The following AHCYL1 variants were observed in gnomAD, a reference collection of about 807,000 sequenced individuals.
AHCYL1 encodes adenosylhomocysteinase like 1, also known as S-adenosylhomocysteine hydrolase-like protein 1.
A neutral mutation model predicts 79.3 loss-of-function variants in AHCYL1; 20 were observed. That is an observed-to-expected ratio of 0.25 (90% confidence interval 0.18 to 0.37). The LOEUF is 0.37. AHCYL1 is among the 10% of genes least tolerant of loss of function. The probability of loss-of-function intolerance (pLI) is 1.00; values close to 1 mark genes in which losing one functional copy is unlikely to be tolerated. For synonymous variants in AHCYL1, 223 were observed against 242.2 expected (o/e 0.92, Z 0.74); for missense variants, 330 against 673.6 (o/e 0.49, Z 5.65).
At chr1:110,015,376 C>A in intron 6 of AHCYL1, 49 bp from the exon 7 acceptor site, 1 of 1,491,516 alleles carries the variant, frequency 6.7e-7, no homozygotes, top group Non-Finnish European at 9.4e-7. Context: ...AAGTTCCCCC[C>A]AGCCCTAGCA....
chr1:109,997,682 C>T (rs980401270), intron 1 of AHCYL1, among the ~76,000 whole-genome samples: 1 of 152,082 alleles, frequency 6.6e-6, no homozygotes, highest in African/African-American at 2.4e-5. Context: ...CAGTGTGTAA[C>T]GCGTACTGCA....
In AHCYL1 at chr1:110,020,860, G is replaced by C. The variant is rs770444891; in HGVS notation, c.1586+9G>C. 1.4e-5 allele frequency: 22 copies of C among 1,607,236 alleles called. No homozygotes were observed. The highest frequency in any genetic ancestry group is 2.2e-5 in the East Asian group (1 of 44,660). ...AAACCTAATTATTACAGGTAACCTG[G>C]GGAGAAGCAAGTGAAAAGCTCTTTT... On this transcript the variant is annotated intron_variant, in intron 16 of 16. Transcript: ENST00000369799.
chr1:110,011,490 T>C lies in AHCYL1; in HGVS notation c.376+133T>C, dbSNP rs1362183970. 9.0e-6 allele frequency: 11 copies of C among 1,216,338 alleles called. No individual in the cohort carries two copies. The Admixed American group carries it at 2.8e-4, about 31-fold the overall frequency. 75.3% of individuals were successfully genotyped at this position (1,216,338 alleles called of 1,614,324 possible). Reference sequence around the variant, plus strand: ...AAAGACAGTATTATGGACTTTCGGATAAACACTTCTCTCTCTATGGAACTT... The same window carrying C: ...AAAGACAGTATTATGGACTTTCGGACAAACACTTCTCTCTCTATGGAACTT... On this transcript the variant is annotated intron_variant, in intron 3 of 16. Coordinates refer to ENST00000369799, the MANE Select transcript of AHCYL1 (RefSeq NM_006621.7).
chr1:109,991,844 A>C (rs1167817581), intron 1 of AHCYL1, among the ~76,000 whole-genome samples: 2 of 152,246 alleles, frequency 1.3e-5, no homozygotes, highest in Admixed American at 6.5e-5. Context: ...GAAGCCGTTC[A>C]TACTGAGTTT....
At chr1:110,008,703 T>G (rs17611428) in intron 1 of AHCYL1, among the ~76,000 whole-genome samples, 2,967 of 152,324 alleles carry the variant, frequency 0.019, 37 homozygotes, top group Non-Finnish European at 0.032. Flanking sequence ...GGTAAAGAGT[T>G]TAATCTGTCA....
At chr1:110,018,084 A>G in intron 11 of AHCYL1, 68 bp downstream of exon 11, 1 of 1,530,770 alleles carries the variant, frequency 6.5e-7, no homozygotes, top group Non-Finnish European at 9.0e-7. Flanking sequence ...AGTGACTTTC[A>G]TACAAAGGAG....
At position 110,016,503 on chromosome 1, in the gene AHCYL1, T is replaced by C. The variant is rs368265679; in HGVS notation, c.899+43T>C. On this transcript the variant is annotated intron_variant, in intron 8 of 16. Coordinates refer to ENST00000369799, the MANE Select transcript of AHCYL1 (RefSeq NM_006621.7). ...ATATTCAAACTTCTAGGGGCTCTGGTCTTCCTTTGGCTTTAAAAGTTTATT... is the reference window on the plus strand; with the variant it reads ...ATATTCAAACTTCTAGGGGCTCTGGCCTTCCTTTGGCTTTAAAAGTTTATT... 22 of 1,582,234 alleles carry C rather than the reference T, an allele frequency of 1.4e-5. No homozygotes were observed. In the African/African-American group the frequency reaches 2.7e-4, roughly 20 times the overall value.
At chr1:110,004,256 C>G in intron 1 of AHCYL1, 10 of 985,458 alleles carry the variant, frequency 1.0e-5, no homozygotes, top group Non-Finnish European at 1.2e-5. Flanking sequence ...TCCCTCTCCC[C>G]CAAGAAACTC....
At chr1:109,985,608 A>G in intron 1 of AHCYL1, 14 of 946,942 alleles carry the variant, frequency 1.5e-5, no homozygotes, top group Non-Finnish European at 1.6e-5. Context: ...TTTATCCAAC[A>G]ACTGCGTGAT....
intron 8 of AHCYL1, 41 bp downstream of exon 8, chr1:110,016,501 G>C: frequency 6.3e-7 from 1 of 1,582,812 alleles, no homozygotes; most frequent in Non-Finnish European, 8.6e-7. Context: ...TAGGGGCTCT[G>C]GTCTTCCTTT....
At chr1:109,998,884 G>A (rs1270415955) in intron 1 of AHCYL1, among the ~76,000 whole-genome samples, 1 of 152,172 alleles carries the variant, frequency 6.6e-6, no homozygotes, top group Non-Finnish European at 1.5e-5. Flanking sequence ...TATGTATTTG[G>A]ACCAGGAGTG....
intron 1 of AHCYL1, chr1:109,985,523 G>C (rs1376587146): frequency 9.9e-7 from 1 of 1,005,550 alleles, no homozygotes; most frequent in Non-Finnish European, 1.2e-6. Context: ...GGCATGGGGT[G>C]TACAGAAAAT....
chr1:110,021,344 G>A (rs1158343094), intron 16 of AHCYL1, among the ~76,000 whole-genome samples: 1 of 152,174 alleles, frequency 6.6e-6, no homozygotes, highest in African/African-American at 2.4e-5. Context: ...TTTGGAGCCT[G>A]GGCCTCACCC....
chr1:109,996,541 C>G (rs1650039839), intron 1 of AHCYL1, among the ~76,000 whole-genome samples: 1 of 152,294 alleles, frequency 6.6e-6, no homozygotes, highest in East Asian at 1.9e-4. Context: ...TTGGAACCCT[C>G]TGAGAGATGT....
intron 1 of AHCYL1, among the ~76,000 whole-genome samples, chr1:109,998,114 A>AAT (rs1650117826): frequency 6.6e-6 from 1 of 152,242 alleles, no homozygotes; most frequent in Non-Finnish European, 1.5e-5. Flanking sequence ...GATGCATTAA[A>AAT]GCTGAGGCTG....
At chr1:109,985,327 C>G (rs1649409012) in intron 1 of AHCYL1, 155 bp downstream of exon 1, 3 of 1,344,920 alleles carry the variant, frequency 2.2e-6, no homozygotes, top group Non-Finnish European at 2.9e-6. Flanking sequence ...CCAGGCCTCT[C>G]CCGGGCTGAA....
chr1:109,996,547 G>C (rs919139777), intron 1 of AHCYL1, among the ~76,000 whole-genome samples: 9 of 152,206 alleles, frequency 5.9e-5, no homozygotes, highest in Non-Finnish European at 1.0e-4. Context: ...CCCTCTGAGA[G>C]ATGTGTACGT....
chr1:109,991,031 C>T (rs1007433610), intron 1 of AHCYL1, among the ~76,000 whole-genome samples: 3 of 152,152 alleles, frequency 2.0e-5, no homozygotes, highest in Non-Finnish European at 4.4e-5. Flanking sequence ...GCCTTTGCTG[C>T]ATGCCACTCA....
chr1:110,022,786 A>C lies in AHCYL1; in HGVS notation c.*1106A>C, dbSNP rs967537526. ...ATGATAAATTGGGCCAGGGCAAGAA[A>C]AATCTAGCTTCATATAATTTGTCTG... is the stretch of plus-strand genomic sequence containing the variant. On this transcript the variant is annotated 3_prime_UTR_variant, in exon 17 of 17. Coordinates refer to ENST00000369799, the MANE Select transcript of AHCYL1 (RefSeq NM_006621.7). The C allele has an allele frequency of 6.6e-6, 1 of 152,510 alleles. No homozygotes were observed. Among genetic ancestry groups the C allele is most frequent in the African/African-American group, 2.4e-5 (1 of 41,464 alleles). The allele number at this position is 152,510 out of a possible 1,614,324, so 9.4% of individuals were successfully genotyped here.
Sources: gnomAD v4.1 joint callset for allele counts (sites outside exome capture counted in the v4.1 genomes callset) on GRCh38, gnomAD v4.1.1 for gene constraint, MANE v1.5 for transcripts, NCBI Gene and HGNC (gene_info 2026-07-23, HGNC 2026-07-21) for gene names.